The following ZNF716 variants were observed in gnomAD, a reference collection of about 807,000 sequenced individuals.
ZNF716 encodes zinc finger protein 716.
ZNF716 carries 9 observed loss-of-function variants against 13.4 expected under a neutral mutation model. The observed-to-expected ratio is 0.67, with a 90% CI of 0.41 to 1.18. The LOEUF is 1.18. ZNF716 is among the 50% of genes most tolerant of loss of function. ZNF716 has a pLI of 0.01. For missense variants in ZNF716, 581 were observed against 576.6 expected (o/e 1.01, Z -0.08); for synonymous variants, 186 against 195.2 (o/e 0.95, Z 0.39).
rs782238326 is a variant in ZNF716 at position 57,468,760 on chromosome 7, A to G, written c.299A>G (p.Glu100Gly). The change falls in exon 4 of 4, where the codon GAG becomes GGG. Residue 100 changes from glutamate to glycine, a missense_variant. Physicochemically the swap from Glu to Gly is moderately conservative, Grantham distance 98. Coordinates refer to ENST00000420713, the MANE Select transcript of ZNF716 (RefSeq NM_001159279.1). Reference protein sequence around the residue: ...CSHFTQDLQSEQGIKDSLQKV... With the variant: ...CSHFTQDLQSGQGIKDSLQKV... Reference sequence around the variant, plus strand: ...CATTTCACCCAAGACCTTCAGTCAGAGCAGGGCATAAAAGATTCACTCCAA... The same window carrying G: ...CATTTCACCCAAGACCTTCAGTCAGGGCAGGGCATAAAAGATTCACTCCAA... 5 of 1,613,070 alleles carry G rather than the reference A, an allele frequency of 3.1e-6. No homozygotes were observed. Among genetic ancestry groups the G allele is most frequent in the Non-Finnish European group, 3.4e-6 (4 of 1,179,608 alleles).
chr7:57,465,257 G>A (rs1233377573), intron 3 of ZNF716, among the ~76,000 whole-genome samples: 3 of 152,048 alleles, frequency 2.0e-5, no homozygotes, highest in Non-Finnish European at 4.4e-5. Flanking sequence ...ATTGAAGAGT[G>A]TGTTTATTTC....
chr7:57,462,967 AT>A, intron 2 of ZNF716, 105 bp from the exon 3 acceptor site: 1 of 1,437,570 alleles, frequency 7.0e-7, no homozygotes. Context: ...ATCAATCTTA[AT>A]TTTCTAGAAT....
At position 57,450,275 on chromosome 7, in the gene ZNF716, G is replaced by C. The variant is rs1789462206; in HGVS notation, c.-14G>C. 1.9e-6 allele frequency: 3 copies of C among 1,614,024 alleles called. No homozygotes were observed. The highest frequency in any genetic ancestry group is 2.5e-6 in the Non-Finnish European group (3 of 1,179,946). On this transcript the variant is annotated 5_prime_UTR_variant, in exon 1 of 4. Coordinates refer to ENST00000420713, the MANE Select transcript of ZNF716 (RefSeq NM_001159279.1). ...GCCTCTGTGGCCTTGTGTCCTGCAA[G>C]TATTCGCAGATTTATGGCTAAAAGA...
At chr7:57,457,819 T>A (rs1789630371) in intron 1 of ZNF716, among the ~76,000 whole-genome samples, 1 of 152,196 alleles carries the variant, frequency 6.6e-6, no homozygotes, top group African/African-American at 2.4e-5. Flanking sequence ...CCCTTCACCC[T>A]GAACGAGGCC....
At chr7:57,451,497 G>A (rs1314318090) in intron 1 of ZNF716, among the ~76,000 whole-genome samples, 1 of 140,698 alleles carries the variant, frequency 7.1e-6, no homozygotes, top group Non-Finnish European at 1.5e-5. Context: ...GCCCAAGCTG[G>A]AGTTCAGTGG....
rs782315950 is a variant in ZNF716 at position 57,452,321 on chromosome 7, T to C, written c.39+1994T>C. Among the ~76,000 whole-genome samples, 4 of 152,120 alleles carry C rather than the reference T, an allele frequency of 2.6e-5. No homozygotes were observed. The East Asian group carries it at 7.8e-4, about 29-fold the overall frequency. ...TGTCAAATGGGAAAAAAAGTTCCCA[T>C]TTGTAAATATTTCACATAAGAAGAA... is the stretch of plus-strand genomic sequence containing the variant. On this transcript the variant is annotated intron_variant, in intron 1 of 3. Coordinates refer to ENST00000420713, the MANE Select transcript of ZNF716 (RefSeq NM_001159279.1).
At chr7:57,466,680 T>C (rs539260831) in intron 3 of ZNF716, among the ~76,000 whole-genome samples, 1 of 152,278 alleles carries the variant, frequency 6.6e-6, no homozygotes, top group African/African-American at 2.4e-5. Flanking sequence ...TCTTTTTCTT[T>C]AGAAATTACC....
At chr7:57,457,210 C>T (rs1314547553) in intron 1 of ZNF716, among the ~76,000 whole-genome samples, 1 of 152,194 alleles carries the variant, frequency 6.6e-6, no homozygotes, top group African/African-American at 2.4e-5. Context: ...GGGGTCTATA[C>T]CACTTGATCA....
chr7:57,465,987 A>G (rs568314232), intron 3 of ZNF716, among the ~76,000 whole-genome samples: 1 of 151,336 alleles, frequency 6.6e-6, no homozygotes, highest in Non-Finnish European at 1.5e-5. Context: ...TTGAACAATG[A>G]GAACACATGG....
chr7:57,470,492 A>C lies in ZNF716; in HGVS notation c.*543A>C, dbSNP rs1436585720. ...AAAATGTGACAAAACATTTAAGCAC[A>C]TCTCAGGCCTTACACAATATCAGAT... On this transcript the variant is annotated 3_prime_UTR_variant, in exon 4 of 4. Transcript: ENST00000420713. 1.9e-5 allele frequency: 3 copies of C among 154,154 alleles called. No individual in the cohort carries two copies. The highest frequency in any genetic ancestry group is 7.2e-5 in the African/African-American group (3 of 41,464). 9.5% of individuals were successfully genotyped at this position (154,154 alleles called of 1,614,324 possible). A position where few individuals can be genotyped will look rare whatever the true frequency, so the allele number is the denominator to read the frequency against.
chr7:57,462,380 A>G (rs782771076), intron 1 of ZNF716, 80 bp from the exon 2 acceptor site: 4 of 1,517,424 alleles, frequency 2.6e-6, no homozygotes, highest in Non-Finnish European at 3.6e-6. Context: ...GAGTCAAATA[A>G]AAATCTCTGC....
intron 3 of ZNF716, among the ~76,000 whole-genome samples, 158 bp from the exon 4 acceptor site, chr7:57,468,566 T>C (rs1476873777): frequency 6.6e-6 from 1 of 152,190 alleles, no homozygotes; most frequent in Non-Finnish European, 1.5e-5. Flanking sequence ...ATCACTACTA[T>C]TTTGTTACAT....
At chr7:57,452,212 C>T (rs1789510208) in intron 1 of ZNF716, among the ~76,000 whole-genome samples, 1 of 152,070 alleles carries the variant, frequency 6.6e-6, no homozygotes, top group African/African-American at 2.4e-5. Context: ...ATCTATTTGT[C>T]CTTTCTTGTA....
intron 1 of ZNF716, among the ~76,000 whole-genome samples, chr7:57,452,627 G>A (rs1340168518): frequency 6.6e-6 from 1 of 152,022 alleles, no homozygotes; most frequent in African/African-American, 2.4e-5. Flanking sequence ...AACAGATTGA[G>A]ACTCTGTCTC....
Position 57,468,917 on chromosome 7 carries a change from C to T in ZNF716, c.456C>T (p.Thr152=). Residue 152 remains threonine, a synonymous_variant, in exon 4 of 4, where the codon ACC becomes ACT. Transcript: ENST00000420713. ...YNYVNQCLSA[T]QNKTFQTHKC... ...ATGTTAACCAATGTTTGTCAGCTAC[C>T]CAAAACAAAACATTTCAGACTCATA... The T allele has an allele frequency of 6.2e-7, 1 of 1,612,326 alleles. No individual in the cohort carries two copies. Among genetic ancestry groups the T allele is most frequent in the Non-Finnish European group, 8.5e-7 (1 of 1,179,122 alleles).
At chr7:57,451,066 G>A (rs527971173) in intron 1 of ZNF716, among the ~76,000 whole-genome samples, 4 of 151,772 alleles carry the variant, frequency 2.6e-5, no homozygotes, top group Admixed American at 2.0e-4. Flanking sequence ...CTGTTGCCCA[G>A]GCTGGAGTGC....
intron 1 of ZNF716, 61 bp downstream of exon 1, chr7:57,450,388 T>G (rs1210841258): frequency 9.3e-6 from 15 of 1,613,274 alleles, no homozygotes; most frequent in Non-Finnish European, 1.1e-5. Flanking sequence ...TGACTGAAAG[T>G]GGCTGTAGCA....
At position 57,471,805 on chromosome 7, in the gene ZNF716, G is replaced by C. The variant is rs1308643572; in HGVS notation, c.*1856G>C. On this transcript the variant is annotated 3_prime_UTR_variant, in exon 4 of 4. Coordinates refer to ENST00000420713, the MANE Select transcript of ZNF716 (RefSeq NM_001159279.1). The stretch of plus-strand genomic sequence containing the variant: ...TTTGAGGATTCACAGTAGAAAGAAT[G>C]AAGGTGCTGAAACTTCAGACATTAC... 1.1e-4 allele frequency: 15 copies of C among 135,656 alleles called. No homozygotes were observed. Among genetic ancestry groups the C allele is most frequent in the African/African-American group, 3.8e-4 (15 of 38,998 alleles). The allele number at this position is 135,656 out of a possible 1,614,324, so 8.4% of individuals were successfully genotyped here.
intron 3 of ZNF716, among the ~76,000 whole-genome samples, chr7:57,465,481 T>G (rs1233537240): frequency 6.6e-6 from 1 of 152,032 alleles, no homozygotes; most frequent in Non-Finnish European, 1.5e-5. Context: ...GCCTCCTGAG[T>G]AGCTGGCACT....
Sources: gnomAD v4.1 joint callset for allele counts (sites outside exome capture counted in the v4.1 genomes callset) on GRCh38, gnomAD v4.1.1 for gene constraint, MANE v1.5 for transcripts, NCBI Gene and HGNC (gene_info 2026-07-23, HGNC 2026-07-21) for gene names.